The following USH2A variants were observed in gnomAD, a reference collection of about 807,000 sequenced individuals.
The protein encoded by USH2A is usherin, also known as Usher syndrome 2A (autosomal recessive, mild).
In USH2A, 443 loss-of-function variants were observed where a neutral mutation model predicts 538.9. The ratio of observed to expected loss-of-function variants is 0.82; its 90% CI spans 0.76 to 0.89. USH2A has a LOEUF of 0.89. USH2A is among the 40% of genes least tolerant of loss of function. The probability of loss-of-function intolerance (pLI) is 0.00; values close to 1 mark genes in which losing one functional copy is unlikely to be tolerated. For missense variants in USH2A, 6,633 were observed against 6,324.8 expected, an observed-to-expected ratio of 1.05 and a Z score of -1.65; for synonymous variants, 2,413 against 2,273.5, an observed-to-expected ratio of 1.06 and a Z score of -1.75.
At chr1:215,840,022 G>A (rs1329582784) in intron 46 of USH2A, among the ~76,000 whole-genome samples, 2 of 151,660 alleles carry the variant, frequency 1.3e-5, no homozygotes, top group African/African-American at 4.8e-5. Context: ...GAATAACCTG[G>A]TGTGGTGGTG....
chr1:215,729,482 C>T (rs1306174403), intron 60 of USH2A, among the ~76,000 whole-genome samples: 1 of 152,010 alleles, frequency 6.6e-6, no homozygotes, highest in African/African-American at 2.4e-5. Context: ...TGTTATATGC[C>T]CATCATTGTA....
At chr1:215,817,356 T>C (rs1308031304) in intron 47 of USH2A, among the ~76,000 whole-genome samples, 161 bp from the exon 48 acceptor site, 2 of 151,882 alleles carry the variant, frequency 1.3e-5, no homozygotes, top group Non-Finnish European at 1.5e-5. Flanking sequence ...AAAATTATGT[T>C]AGCTTTTGGA....
chr1:216,338,211 A>C (rs528419518), intron 4 of USH2A, among the ~76,000 whole-genome samples: 9 of 151,490 alleles, frequency 5.9e-5, no homozygotes, highest in Non-Finnish European at 1.2e-4. Flanking sequence ...GGCTGGTAAG[A>C]AGGAATCCAC....
chr1:216,216,010 T>C (rs1277919341), intron 15 of USH2A, among the ~76,000 whole-genome samples: 1 of 152,010 alleles, frequency 6.6e-6, no homozygotes, highest in Non-Finnish European at 1.5e-5. Flanking sequence ...GTCACAAAAT[T>C]AGTGGCAGAA....
Position 215,807,614 on chromosome 1 carries a change from G to T in USH2A, c.9739+6122C>A, listed in dbSNP as rs563139333. Among the ~76,000 whole-genome samples, 107 of 152,106 alleles carry T rather than the reference G, an allele frequency of 7.0e-4. 5 individuals carry two copies. The South Asian group carries it at 0.017, about 24-fold the overall frequency. On this transcript the variant is annotated intron_variant, in intron 49 of 71. Coordinates refer to ENST00000307340, the MANE Select transcript of USH2A (RefSeq NM_206933.4). ...GTCTTTTTCTCTTCAAAGTTTGGAA[G>T]CTCTTCATGACTTTCCCTGGCTAGT...
chr1:216,130,512 G>T (rs997523212), intron 21 of USH2A, among the ~76,000 whole-genome samples: 6 of 145,840 alleles, frequency 4.1e-5, no homozygotes, highest in Non-Finnish European at 6.0e-5. Context: ...TGGCTGAGTA[G>T]TATTCCATCA....
intron 20 of USH2A, among the ~76,000 whole-genome samples, chr1:216,177,343 A>G (rs1029917260): frequency 3.9e-5 from 6 of 152,152 alleles, no homozygotes; most frequent in Admixed American, 3.9e-4. Flanking sequence ...TGTATTTGCC[A>G]TCTGTATATC....
chr1:216,014,064 T>C (rs1668642969), intron 32 of USH2A, among the ~76,000 whole-genome samples: 1 of 144,458 alleles, frequency 6.9e-6, no homozygotes, highest in Non-Finnish European at 1.5e-5. Flanking sequence ...CTAGTGTTCT[T>C]TGAATAATAA....
intron 61 of USH2A, among the ~76,000 whole-genome samples, chr1:215,690,751 C>T (rs1449514220): frequency 6.6e-6 from 1 of 151,436 alleles, no homozygotes; most frequent in African/African-American, 2.4e-5. Flanking sequence ...CACATCTACT[C>T]TACTCATTAG....
At chr1:215,729,665 C>T (rs1436471052) in intron 60 of USH2A, among the ~76,000 whole-genome samples, 1 of 152,204 alleles carries the variant, frequency 6.6e-6, no homozygotes, top group Non-Finnish European at 1.5e-5. Flanking sequence ...GGGTCTCACT[C>T]TGTCACTCAG....
In USH2A at chr1:215,814,961, T is replaced by C. The variant is rs145803746; in HGVS notation, c.9571-1057A>G. Among the ~76,000 whole-genome samples the C allele has an allele frequency of 1.2e-4, 19 of 152,268 alleles. 1 individual carries two copies. In the East Asian group the frequency reaches 2.1e-3, roughly 17 times the overall value. On this transcript the variant is annotated intron_variant, in intron 48 of 71. Transcript: ENST00000307340. ...TTTGTGAACCATGGCTGTAATCTTA[T>C]GGTAAAGCTTGTTTAAGTATTTTGG... is the stretch of plus-strand genomic sequence containing the variant.
At chr1:215,926,210 C>CAAAAAA (rs56162024) in intron 38 of USH2A, among the ~76,000 whole-genome samples, 2 of 111,640 alleles carry the variant, frequency 1.8e-5, no homozygotes, top group African/African-American at 6.8e-5. Context: ...AGAGACCCTG[C>CAAAAAA]AAAAAAAAAA....
intron 21 of USH2A, among the ~76,000 whole-genome samples, chr1:216,126,881 G>A (rs986095768): frequency 1.3e-5 from 2 of 152,074 alleles, no homozygotes; most frequent in Non-Finnish European, 2.9e-5. Flanking sequence ...AAGAAATATG[G>A]AAAATGCTAT....
chr1:216,359,662 A>C (rs934438796), intron 4 of USH2A, among the ~76,000 whole-genome samples: 2 of 152,114 alleles, frequency 1.3e-5, no homozygotes, highest in African/African-American at 4.8e-5. Flanking sequence ...TCTACAGGAG[A>C]TATTTATGGC....
Position 215,782,907 on chromosome 1 carries a change from A to C in USH2A, c.10416T>G (p.Tyr3472Ter). 1 of 1,613,620 alleles carries C rather than the reference A, an allele frequency of 6.2e-7. No homozygotes were observed. The highest frequency in any genetic ancestry group is 8.5e-7 in the Non-Finnish European group (1 of 1,179,742). The change falls in exon 53 of 72, where the codon TAT becomes TAG. Residue 3472 changes from tyrosine to a stop codon, truncating the protein, a stop_gained. Coordinates refer to ENST00000307340, the MANE Select transcript of USH2A (RefSeq NM_206933.4). LOFTEE classifies it high-confidence loss of function. ...TDVNLKPYMT[Y>*]EYRISAWNSY... ...TGTTCCAGGCAGAAATCCTGTACTC[A>C]TATGTCATGTAGGGCTTGAGGTTCA...
intron 14 of USH2A, among the ~76,000 whole-genome samples, chr1:216,231,292 C>CAGAG (rs371376479): frequency 4.9e-4 from 28 of 56,714 alleles, no homozygotes; most frequent in East Asian, 2.9e-3. Context: ...CACAGAGAGA[C>CAGAG]AGAGAGAGAG....
chr1:215,734,709 T>A (rs1660105581), intron 60 of USH2A, among the ~76,000 whole-genome samples: 1 of 152,210 alleles, frequency 6.6e-6, no homozygotes, highest in Non-Finnish European at 1.5e-5. Flanking sequence ...TTTTTACTCT[T>A]AAGTTCTCAC....
chr1:216,091,942 A>G (rs1304084064), intron 22 of USH2A, among the ~76,000 whole-genome samples: 1 of 152,178 alleles, frequency 6.6e-6, no homozygotes, highest in Non-Finnish European at 1.5e-5. Context: ...CTGTAATCCT[A>G]GCACTTTGAG....
chr1:215,868,937 G>A (rs865907727), intron 43 of USH2A, among the ~76,000 whole-genome samples: 47 of 152,210 alleles, frequency 3.1e-4, no homozygotes, highest in Admixed American at 1.3e-4. Context: ...AGACCTGTGA[G>A]AGAATAAATT....
Sources: gnomAD v4.1 joint callset for allele counts (sites outside exome capture counted in the v4.1 genomes callset) on GRCh38, gnomAD v4.1.1 for gene constraint, MANE v1.5 for transcripts, NCBI Gene and HGNC (gene_info 2026-07-23, HGNC 2026-07-21) for gene names.